Variants in RBBP8 observed in about 807,000 individuals in gnomAD.
The protein encoded by RBBP8 is DNA endonuclease RBBP8.
A neutral mutation model predicts 108.3 loss-of-function variants in RBBP8; 88 were observed. That is an observed-to-expected ratio of 0.81 (90% CI 0.68 to 0.97). The LOEUF (loss-of-function observed/expected upper bound fraction) is 0.97. Among genes scored for constraint, RBBP8 ranks in the 50% least tolerant of loss-of-function variants. The probability of loss-of-function intolerance (pLI) is 0.00; values close to 1 mark genes in which losing one functional copy is unlikely to be tolerated. For missense variants in RBBP8, 1,023 were observed against 1,049.0 expected, an observed-to-expected ratio of 0.98 and a Z score of 0.34; for synonymous variants, 332 against 348.2, an observed-to-expected ratio of 0.95 and a Z score of 0.52.
At chr18:22,961,216 T>C (rs1913074505) in intron 4 of RBBP8, among the ~76,000 whole-genome samples, 1 of 152,246 alleles carries the variant, frequency 6.6e-6, no homozygotes, top group Admixed American at 6.5e-5. Context: ...GAGATCAGCA[T>C]CAATATCAGA....
chr18:23,015,709 T>C (rs1307903775), intron 16 of RBBP8, among the ~76,000 whole-genome samples: 1 of 152,170 alleles, frequency 6.6e-6, no homozygotes, highest in African/African-American at 2.4e-5. Context: ...GTTTATTAAA[T>C]AGACTATCCT....
At chr18:22,927,488 G>A (rs991390247) in intron 3 of RBBP8, among the ~76,000 whole-genome samples, 1 of 152,074 alleles carries the variant, frequency 6.6e-6, no homozygotes, top group Non-Finnish European at 1.5e-5. Flanking sequence ...TATATGCTGG[G>A]CCTGCGCTGT....
chr18:23,004,773 G>A (rs2046010367), intron 15 of RBBP8: 1 of 152,288 alleles, frequency 6.6e-6, no homozygotes, highest in South Asian at 2.1e-4. Flanking sequence ...AATGGAGCAG[G>A]TCAAAACTTG....
At chr18:22,969,870 G>A (rs1316088343) in intron 5 of RBBP8, among the ~76,000 whole-genome samples, 1 of 152,096 alleles carries the variant, frequency 6.6e-6, no homozygotes, top group Admixed American at 6.6e-5. Context: ...TGGTGTATAT[G>A]GGTGAACGTG....
intron 14 of RBBP8, among the ~76,000 whole-genome samples, chr18:23,000,390 A>C (rs1021612500): frequency 2.6e-5 from 4 of 152,190 alleles, no homozygotes; most frequent in African/African-American, 9.7e-5. Context: ...GTAATACTAA[A>C]CTACCAGATG....
intron 4 of RBBP8, among the ~76,000 whole-genome samples, chr18:22,955,590 T>C (rs1341110036): frequency 6.6e-6 from 1 of 151,538 alleles, no homozygotes; most frequent in Non-Finnish European, 1.5e-5. Flanking sequence ...TTTTTTTTTT[T>C]TTTTTGAGAC....
chr18:23,025,221 C>T (rs1345391029), intron 18 of RBBP8, among the ~76,000 whole-genome samples: 3 of 152,006 alleles, frequency 2.0e-5, no homozygotes, highest in Non-Finnish European at 4.4e-5. Context: ...CACCACTGCA[C>T]TCCAGCCTGG....
In RBBP8 at chr18:22,997,694, A is replaced by T; in HGVS notation, c.2103A>T (p.Leu701Phe). ...DCTLVSETVL[L>F]KMKKQEQKGE... The stretch of plus-strand genomic sequence containing the variant: ...CATTGGTTAGTGAAACCGTTCTCTT[A>T]AAAATGAAGAAGCAAGAGCAGAAGG... The change falls in exon 14 of 19, where the codon TTA becomes TTT. Residue 701 changes from leucine to phenylalanine, a missense_variant. Transcript: ENST00000327155. 6.2e-7 allele frequency: 1 copy of T among 1,607,884 alleles called. No homozygotes were observed. The highest frequency in any genetic ancestry group is 8.5e-7 in the Non-Finnish European group (1 of 1,176,158).
chr18:23,022,206 A>G lies in RBBP8; in HGVS notation c.2532A>G (p.Pro844=), dbSNP rs781534620. 1.2e-6 allele frequency: 2 copies of G among 1,612,218 alleles called. No homozygotes were observed. The highest frequency in any genetic ancestry group is 8.5e-7 in the Non-Finnish European group (1 of 1,178,296). The change falls in exon 18 of 19, where the codon CCA becomes CCG. Residue 844 remains proline, a synonymous_variant. Transcript: ENST00000327155. The part of the protein sequence containing the change: ...SCSRHRFRYI[P]PNTPENFWEV... ...CAAGACACCGATTCCGCTACATTCC[A>G]CCCAACACACCAGAGAATTTTTGGG... is the stretch of plus-strand genomic sequence containing the variant.
chr18:22,956,815 TTATTATGTTTTA>T (rs1456686354), intron 4 of RBBP8, among the ~76,000 whole-genome samples: 1 of 152,162 alleles, frequency 6.6e-6, no homozygotes, highest in Non-Finnish European at 1.5e-5. Context: ...TGTTTAATGA[TTATTATGTTTTA>T]TATTATGTTT....
chr18:22,986,112 C>T (rs1156881110), intron 8 of RBBP8, among the ~76,000 whole-genome samples: 1 of 150,838 alleles, frequency 6.6e-6, no homozygotes, highest in Non-Finnish European at 1.5e-5. Flanking sequence ...TTTTTTGCTC[C>T]CCCCTGCCCC....
rs112595024 is a variant in RBBP8 at position 22,938,652 on chromosome 18, C to G, written c.109+1692C>G. Among the ~76,000 whole-genome samples, 484 of 152,322 alleles carry G rather than the reference C, an allele frequency of 3.2e-3. 4 individuals are homozygous for G. Among genetic ancestry groups the G allele is most frequent in the South Asian group, 0.016 (79 of 4,828 alleles). ...ACGTATACAATTTGTTGACTGAAGA[C>G]CTGCATTTGAATTCTGATTTCATTT... is the stretch of plus-strand genomic sequence containing the variant. On this transcript the variant is annotated intron_variant, in intron 2 of 18. Coordinates refer to ENST00000327155, the MANE Select transcript of RBBP8 (RefSeq NM_002894.3).
chr18:22,942,403 C>T (rs562970521), intron 2 of RBBP8, among the ~76,000 whole-genome samples: 27 of 152,134 alleles, frequency 1.8e-4, no homozygotes, highest in Non-Finnish European at 3.4e-4. Context: ...GCACTGATCA[C>T]AACAATATAA....
At chr18:22,934,429 TA>T (rs1359387039) in intron 1 of RBBP8, among the ~76,000 whole-genome samples, 1 of 152,196 alleles carries the variant, frequency 6.6e-6, no homozygotes, top group African/African-American at 2.4e-5. Context: ...GTCATTGAAG[TA>T]ATTAAACCTT....
In RBBP8 at chr18:22,980,965, C is replaced by CTTTTTTTTTT. The variant is rs1167377654; in HGVS notation, c.429-1237_429-1228dup. 2.2e-3 allele frequency among the ~76,000 whole-genome samples: 150 copies of CTTTTTTTTTT among 69,488 alleles called. 35 individuals are homozygous for CTTTTTTTTTT. Among genetic ancestry groups the CTTTTTTTTTT allele is most frequent in the East Asian group, 3.1e-3 (5 of 1,594 alleles). 45.6% of individuals were successfully genotyped at this position (69,488 alleles called of 152,430 possible). Reference sequence around the variant, plus strand: ...AATTGTAGGTGTGAGCCACTTATGTCTTTTTTTTTTTTTTTTTTTTTTTTT... The same window carrying CTTTTTTTTTT: ...AATTGTAGGTGTGAGCCACTTATGTCTTTTTTTTTTTTTTTTTTTTTTTTTTTTTTTTTTT... On this transcript the variant is annotated intron_variant, in intron 6 of 18. Transcript: ENST00000327155.
chr18:22,942,465 A>C (rs963914013), intron 2 of RBBP8, among the ~76,000 whole-genome samples: 6 of 152,090 alleles, frequency 3.9e-5, no homozygotes, highest in African/African-American at 1.5e-4. Flanking sequence ...AAAATGCTCT[A>C]ATTTCTGTTG....
At chr18:23,022,668 T>TAAATAAAATAAAATAAAATAAAAA (rs1175474463) in intron 18 of RBBP8, among the ~76,000 whole-genome samples, 8 of 136,110 alleles carry the variant, frequency 5.9e-5, no homozygotes, top group Non-Finnish European at 9.6e-5. Context: ...TAAAATAAAA[T>TAAATAAAATAAAATAAAATAAAAA]AAATAACTGT....
At chr18:22,931,887 A>C (rs182581945), upstream of RBBP8, among the ~76,000 whole-genome samples, 94 of 152,204 alleles carry the variant, frequency 6.2e-4, no homozygotes, top group Non-Finnish European at 1.1e-3. Flanking sequence ...AGAAGTTCAA[A>C]TTTTTTTCTG....
Position 22,984,890 on chromosome 18 carries a change from G to A in RBBP8, c.609G>A (p.Met203Ile). The A allele has an allele frequency of 1.3e-6, 2 of 1,583,500 alleles. No homozygotes were observed. Among genetic ancestry groups the A allele is most frequent in the Non-Finnish European group, 1.7e-6 (2 of 1,154,318 alleles). The change falls in exon 8 of 19, where the codon ATG becomes ATA. Residue 203 changes from methionine to isoleucine, a missense_variant. Coordinates refer to ENST00000327155, the MANE Select transcript of RBBP8 (RefSeq NM_002894.3). ...KLEHSVCANE[M>I]RKVSKSSTHP... ...CTTATTTTTTTCTCCCCTTAGAAAT[G>A]AGAAAAGTTTCCAAGTCTTCAACTC...
Sources: allele counts gnomAD v4.1 joint callset (sites outside exome capture counted in the v4.1 genomes callset), GRCh38; gene constraint gnomAD v4.1.1; transcripts MANE v1.5; gene names NCBI Gene and HGNC (gene_info 2026-07-23, HGNC 2026-07-21).